MYO3B: variants seen among roughly 807,000 people sequenced by gnomAD.
MYO3B encodes myosin-IIIb.
MYO3B carries 156 observed loss-of-function variants against 174.6 expected under a neutral mutation model. The observed-to-expected ratio is 0.89, with a 90% CI of 0.78 to 1.02. The LOEUF (loss-of-function observed/expected upper bound fraction) is 1.02, where lower values mean the gene tolerates loss of function less well. Ranked by LOEUF, MYO3B falls within the 50% of genes least tolerant of loss-of-function variation. The probability of loss-of-function intolerance (pLI) is 0.00; values close to 1 mark genes in which losing one functional copy is unlikely to be tolerated. For synonymous variants in MYO3B, 563 were observed against 569.1 expected, an observed-to-expected ratio of 0.99 and a Z score of 0.15; for missense variants, 1,632 against 1,639.4, an observed-to-expected ratio of 1.00 and a Z score of 0.08.
chr2:170,445,522 G>T, intron 23 of MYO3B, among the ~76,000 whole-genome samples: 1 of 151,984 alleles, frequency 6.6e-6, no homozygotes, highest in East Asian at 1.9e-4. Flanking sequence ...TGTATTTTTA[G>T]TAGAGACGGG....
intron 9 of MYO3B, among the ~76,000 whole-genome samples, chr2:170,381,161 AC>A (rs202021135): frequency 2.9e-4 from 44 of 150,276 alleles, no homozygotes; most frequent in East Asian, 7.8e-4. Flanking sequence ...AAAAACAACA[AC>A]CCCCCCCATC....
chr2:170,598,182 C>T (rs760545824), intron 32 of MYO3B, among the ~76,000 whole-genome samples: 1 of 152,162 alleles, frequency 6.6e-6, no homozygotes, highest in Non-Finnish European at 1.5e-5. Flanking sequence ...AAGACATTAG[C>T]AATGAATCAC....
chr2:170,219,243 A>G (rs1292652730), intron 6 of MYO3B, among the ~76,000 whole-genome samples: 1 of 152,182 alleles, frequency 6.6e-6, no homozygotes, highest in Non-Finnish European at 1.5e-5. Context: ...TCACCACTGC[A>G]TTGTAGTTGT....
chr2:170,285,428 G>A (rs1016420724), intron 7 of MYO3B, among the ~76,000 whole-genome samples: 1 of 151,830 alleles, frequency 6.6e-6, no homozygotes, highest in Admixed American at 6.6e-5. Context: ...GAGTGCAGTG[G>A]CACAATCTCG....
At chr2:170,624,243 T>C (rs553512556) in intron 32 of MYO3B, among the ~76,000 whole-genome samples, 1 of 152,348 alleles carries the variant, frequency 6.6e-6, no homozygotes, top group East Asian at 1.9e-4. Context: ...TCCTCTTTTA[T>C]TTCGTAGAGC....
intron 32 of MYO3B, among the ~76,000 whole-genome samples, chr2:170,592,111 C>T (rs1265861138): frequency 1.3e-5 from 2 of 152,116 alleles, no homozygotes; most frequent in Non-Finnish European, 2.9e-5. Context: ...AATCCCATAC[C>T]CAGTGCTGGG....
At chr2:170,223,088 C>T (rs1419628232) in intron 6 of MYO3B, among the ~76,000 whole-genome samples, 1 of 152,050 alleles carries the variant, frequency 6.6e-6, no homozygotes, top group East Asian at 1.9e-4. Context: ...CCCAACACCC[C>T]CAGACTTTTG....
chr2:170,298,436 G>A (rs570029722), intron 7 of MYO3B, among the ~76,000 whole-genome samples: 27 of 152,224 alleles, frequency 1.8e-4, no homozygotes, highest in African/African-American at 5.8e-4. Flanking sequence ...CAACACTTTG[G>A]GAGGCCGAGG....
chr2:170,468,696 C>T (rs1006302552), intron 25 of MYO3B, among the ~76,000 whole-genome samples: 4 of 152,266 alleles, frequency 2.6e-5, no homozygotes, highest in African/African-American at 9.6e-5. Flanking sequence ...ATGAAAGAGG[C>T]CACCTGGAAA....
At chr2:170,416,176 TAACTC>T (rs200055683) in intron 22 of MYO3B, among the ~76,000 whole-genome samples, 5,232 of 152,222 alleles carry the variant, frequency 0.034, 141 homozygotes, top group South Asian at 0.096. Flanking sequence ...CTGAACCTGC[TAACTC>T]AACTCTGCTT....
intron 34 of MYO3B, 85 bp from the exon 35 acceptor site, chr2:170,652,898 A>G (rs1699099267): frequency 5.4e-6 from 8 of 1,490,524 alleles, no homozygotes; most frequent in Non-Finnish European, 7.4e-6. Flanking sequence ...TGTTCCAGCT[A>G]CTCACATGAC....
chr2:170,464,140 T>G (rs929495032), intron 24 of MYO3B, among the ~76,000 whole-genome samples: 4 of 151,610 alleles, frequency 2.6e-5, no homozygotes, highest in Admixed American at 2.0e-4. Flanking sequence ...TCACCTGAGG[T>G]CAAGAGTTAA....
chr2:170,578,345 C>T (rs1298692563), intron 32 of MYO3B, among the ~76,000 whole-genome samples: 1 of 152,232 alleles, frequency 6.6e-6, no homozygotes, highest in East Asian at 1.9e-4. Flanking sequence ...ATCTATCTTA[C>T]TGAAGCACAA....
At position 170,473,286 on chromosome 2, in the gene MYO3B, G is replaced by A. The variant is rs182464672; in HGVS notation, c.3014+6575G>A. Among the ~76,000 whole-genome samples, 191 of 151,498 alleles carry A rather than the reference G, an allele frequency of 1.3e-3. 1 individual carries two copies. The highest frequency in any genetic ancestry group is 4.2e-3 in the African/African-American group (173 of 41,348). On this transcript the variant is annotated intron_variant, in intron 25 of 34. Transcript: ENST00000408978. ...GCCTCCCGAGTAGCTGGGACTACAG[G>A]CACCTACCACCATGCCCAGCTAATT...
intron 7 of MYO3B, among the ~76,000 whole-genome samples, chr2:170,303,967 A>G (rs2093683153): frequency 6.6e-6 from 1 of 152,270 alleles, no homozygotes; most frequent in Non-Finnish European, 1.5e-5. Flanking sequence ...TTCTTTTAAA[A>G]TGGCTGTGTT....
rs2105523656 is a variant in MYO3B at position 170,654,908 on chromosome 2, C to G, written c.*1787C>G. ...GTTTATAAGTAGAGCAGAAAAAATG[C>G]AGATAAATTTTATTTTATTGTTTAA... is the stretch of plus-strand genomic sequence containing the variant. On this transcript the variant is annotated 3_prime_UTR_variant, in exon 35 of 35. Coordinates refer to ENST00000408978, the MANE Select transcript of MYO3B (RefSeq NM_138995.5). 6.6e-6 allele frequency: 1 copy of G among 151,984 alleles called. No homozygotes were observed. Among genetic ancestry groups the G allele is most frequent in the East Asian group, 1.9e-4 (1 of 5,178 alleles). The allele number at this position is 151,984 out of a possible 1,614,324, so 9.4% of individuals were successfully genotyped here. A position where few individuals can be genotyped will look rare whatever the true frequency, so the allele number is the denominator to read the frequency against.
rs1467382565 is a variant in MYO3B, at chr2:170,576,299, G to A, written c.3733+32311G>A. Reference sequence around the variant, plus strand: ...AGACCTCTGTGTAGGGTTACTGTCCGGCTGATGCTGGTCTCTGAAGGGATT... The same window carrying A: ...AGACCTCTGTGTAGGGTTACTGTCCAGCTGATGCTGGTCTCTGAAGGGATT... On this transcript the variant is annotated intron_variant, in intron 32 of 34. Transcript: ENST00000408978. 7.9e-5 allele frequency among the ~76,000 whole-genome samples: 12 copies of A among 152,264 alleles called. No homozygotes were observed. The East Asian group carries it at 1.9e-3, about 24-fold the overall frequency.
chr2:170,429,894 G>A (rs1245604994), intron 22 of MYO3B, among the ~76,000 whole-genome samples: 2 of 151,994 alleles, frequency 1.3e-5, no homozygotes, highest in Non-Finnish European at 2.9e-5. Flanking sequence ...TTATATGTCA[G>A]CCTTTCCCCT....
intron 7 of MYO3B, among the ~76,000 whole-genome samples, chr2:170,297,298 A>G (rs975650190): frequency 2.7e-5 from 4 of 150,772 alleles, no homozygotes; most frequent in African/African-American, 9.8e-5. Context: ...CCCGCTCCCA[A>G]TGGCCACCCC....
Sources: allele counts gnomAD v4.1 joint callset (sites outside exome capture counted in the v4.1 genomes callset), GRCh38; gene constraint gnomAD v4.1.1; transcripts MANE v1.5; gene names NCBI Gene and HGNC (gene_info 2026-07-23, HGNC 2026-07-21).